Variants in TRMT11 observed in about 807,000 individuals in gnomAD.
TRMT11 encodes the protein tRNA methyltransferase 11.
In TRMT11, 53 loss-of-function variants were observed where a neutral mutation model predicts 62.8. The ratio of observed to expected loss-of-function variants is 0.84; its 90% CI spans 0.68 to 1.06. The LOEUF is 1.06. TRMT11 is among the 50% of genes least tolerant of loss of function. The pLI, the probability that TRMT11 is intolerant of heterozygous loss-of-function variation, is 0.00. For synonymous variants in TRMT11, 188 were observed against 190.3 expected (o/e 0.99, Z 0.10); for missense variants, 556 against 553.4 (o/e 1.00, Z -0.05).
intron 17 of TRMT11, among the ~76,000 whole-genome samples, chr6:126,093,730 C>T (rs1777309059): frequency 6.7e-6 from 1 of 149,492 alleles, no homozygotes; most frequent in East Asian, 2.0e-4. Flanking sequence ...ATAAAATTAA[C>T]ACAGTAAGTG....
At chr6:125,988,478 G>A (rs1790030822) in intron 1 of TRMT11, among the ~76,000 whole-genome samples, 2 of 152,188 alleles carry the variant, frequency 1.3e-5, no homozygotes, top group Admixed American at 1.3e-4. Context: ...AGGGATACAA[G>A]GGCATGGTGG....
chr6:126,271,363 CAAAAAAAAAAAAAA>C, the TRMT11 span, among the ~76,000 whole-genome samples: 1 of 36,266 alleles, frequency 2.8e-5, no homozygotes, highest in Non-Finnish European at 5.1e-5. Flanking sequence ...GACTCCATCT[CAAAAAAAAAAAAAA>C]AAAAAAAAAA....
chr6:126,030,146 G>A lies in TRMT11; in HGVS notation c.1261-8559G>A, dbSNP rs190647748. The stretch of plus-strand genomic sequence containing the variant: ...GCTAGAGGTTTCTCTTAATAGTATT[G>A]GATGCCAGACTTTTGACCTGCTTGT... On this transcript the variant is annotated intron_variant, in intron 12 of 12. Coordinates refer to ENST00000334379, the MANE Select transcript of TRMT11 (RefSeq NM_001031712.3). Among the ~76,000 whole-genome samples the A allele has an allele frequency of 1.6e-3, 247 of 152,200 alleles. 2 individuals carry two copies. Among genetic ancestry groups the A allele is most frequent in the Non-Finnish European group, 2.8e-3 (188 of 68,004 alleles).
intron 11 of TRMT11, among the ~76,000 whole-genome samples, chr6:126,014,400 G>A (rs1328612470): frequency 2.0e-5 from 3 of 152,156 alleles, no homozygotes; most frequent in Middle Eastern, 3.4e-3. Flanking sequence ...ACAGGTGCAC[G>A]CCACCACGGC....
the TRMT11 span, among the ~76,000 whole-genome samples, chr6:126,222,326 G>GT: frequency 1.9e-4 from 29 of 150,960 alleles, no homozygotes; most frequent in East Asian, 7.8e-4. Context: ...TTTTAGAATA[G>GT]TTTTTTTTTC....
intron 7 of TRMT11, among the ~76,000 whole-genome samples, chr6:126,005,032 G>A (rs1416413251): frequency 6.6e-6 from 1 of 151,986 alleles, no homozygotes; most frequent in Non-Finnish European, 1.5e-5. Context: ...AAGAGACATA[G>A]CATTGTGTCA....
At chr6:126,094,427 G>A (rs886894256) in intron 17 of TRMT11, among the ~76,000 whole-genome samples, 1 of 152,172 alleles carries the variant, frequency 6.6e-6, no homozygotes, top group Non-Finnish European at 1.5e-5. Flanking sequence ...TTGTGTCAGT[G>A]TTGACACAGG....
chr6:126,226,112 A>T, the TRMT11 span, among the ~76,000 whole-genome samples: 2 of 152,226 alleles, frequency 1.3e-5, no homozygotes, highest in Non-Finnish European at 2.9e-5. Flanking sequence ...TTGGGCTTTT[A>T]TGAAAATAAA....
chr6:126,260,321 G>A, the TRMT11 span, among the ~76,000 whole-genome samples: 2 of 152,044 alleles, frequency 1.3e-5, no homozygotes, highest in Admixed American at 1.3e-4. Flanking sequence ...AAATTCTCTG[G>A]ACATTTTCCT....
chr6:126,120,302 A>G (rs965333337), intron 21 of TRMT11, among the ~76,000 whole-genome samples: 2 of 152,140 alleles, frequency 1.3e-5, no homozygotes, highest in Non-Finnish European at 2.9e-5. Context: ...TATGCTAATA[A>G]TATGATCTCA....
chr6:126,238,836 G>A, the TRMT11 span, among the ~76,000 whole-genome samples: 1 of 152,116 alleles, frequency 6.6e-6, no homozygotes, highest in Non-Finnish European at 1.5e-5. Context: ...TTATTATTGT[G>A]TGGGAGTCTA....
chr6:126,245,506 G>A, the TRMT11 span, among the ~76,000 whole-genome samples: 1 of 152,238 alleles, frequency 6.6e-6, no homozygotes, highest in Non-Finnish European at 1.5e-5. Flanking sequence ...GTAATTTAAA[G>A]TCAAAACAAA....
the TRMT11 span, among the ~76,000 whole-genome samples, chr6:126,242,030 A>C: frequency 6.6e-6 from 1 of 152,196 alleles, no homozygotes; most frequent in Admixed American, 6.5e-5. Flanking sequence ...TATATCTAGA[A>C]AACCCCATCG....
intron 21 of TRMT11, among the ~76,000 whole-genome samples, chr6:126,126,084 T>A (rs1777715343): frequency 6.6e-6 from 1 of 152,054 alleles, no homozygotes; most frequent in South Asian, 2.1e-4. Context: ...CCCATTATAG[T>A]AAGAAAGTTT....
intron 17 of TRMT11, among the ~76,000 whole-genome samples, chr6:126,098,316 C>T (rs1000041998): frequency 2.0e-5 from 3 of 152,176 alleles, no homozygotes; most frequent in Non-Finnish European, 4.4e-5. Flanking sequence ...AACTCTTCCA[C>T]TCTCCTTAGA....
upstream of TRMT11, among the ~76,000 whole-genome samples, chr6:126,176,821 A>G (rs1373490500): frequency 2.0e-5 from 3 of 152,216 alleles, no homozygotes; most frequent in African/African-American, 4.8e-5. Flanking sequence ...TGTTTACTCT[A>G]TTAAGGTGAC....
chr6:126,042,943 T>C (rs889485797), downstream of TRMT11, among the ~76,000 whole-genome samples: 1 of 152,194 alleles, frequency 6.6e-6, no homozygotes, highest in Non-Finnish European at 1.5e-5. Context: ...AAGAGTCCCT[T>C]AAAATTTGTG....
chr6:126,242,289 A>G, the TRMT11 span, among the ~76,000 whole-genome samples: 1 of 152,250 alleles, frequency 6.6e-6, no homozygotes, highest in Non-Finnish European at 1.5e-5. Flanking sequence ...AAAAGAGGAC[A>G]CAAACAAATG....
At chr6:126,248,908 G>T in the TRMT11 span, among the ~76,000 whole-genome samples, 1 of 152,082 alleles carries the variant, frequency 6.6e-6, no homozygotes, top group Non-Finnish European at 1.5e-5. Flanking sequence ...TACATCGAAA[G>T]AAATCCAGTT....
Sources: allele counts gnomAD v4.1 joint callset (sites outside exome capture counted in the v4.1 genomes callset), GRCh38; gene constraint gnomAD v4.1.1; transcripts MANE v1.5; gene names NCBI Gene and HGNC (gene_info 2026-07-23, HGNC 2026-07-21).